BNC2: variants seen among roughly 807,000 people sequenced by gnomAD.
BNC2 encodes the protein basonuclin zinc finger protein 2, also known as zinc finger protein basonuclin-2.
BNC2 carries 20 observed loss-of-function variants against 76.3 expected under a neutral mutation model. The observed-to-expected ratio is 0.26, with a 90% CI of 0.18 to 0.38. BNC2 has a LOEUF of 0.38. Ranked by LOEUF, BNC2 falls within the 10% of genes least tolerant of loss-of-function variation. The pLI is 1.00. For synonymous variants in BNC2, 582 were observed against 514.8 expected (o/e 1.13, Z -1.77); for missense variants, 1,382 against 1,399.8 (o/e 0.99, Z 0.20).
chr9:16,816,373 G>C (rs1259045376), intron 1 of BNC2, among the ~76,000 whole-genome samples: 1 of 152,080 alleles, frequency 6.6e-6, no homozygotes, highest in Non-Finnish European at 1.5e-5. Flanking sequence ...TCAATGCAGG[G>C]GCATGTAGGT....
intron 1 of BNC2, among the ~76,000 whole-genome samples, chr9:16,793,107 TAAC>T (rs775531605): frequency 8.5e-5 from 13 of 152,190 alleles, no homozygotes; most frequent in Non-Finnish European, 1.5e-4. Context: ...AGCTTTAATA[TAAC>T]AACAGGATTG....
chr9:16,437,273 G>A lies in BNC2; in HGVS notation c.921C>T (p.Ser307=). The A allele has an allele frequency of 6.2e-7, 1 of 1,614,150 alleles. No homozygotes were observed. The highest frequency in any genetic ancestry group is 8.5e-7 in the Non-Finnish European group (1 of 1,180,020). The part of the protein sequence containing the change: ...LLAHLENSNP[S]SIHHFENIPN... ...GGATGTTTTCGAAGTGATGAATGCT[G>A]GAAGGATTGCTGTTCTCTAAGTGAG... Residue 307 remains serine, a synonymous_variant, in exon 6 of 7, where the codon TCC becomes TCT. Coordinates refer to ENST00000380672, the MANE Select transcript of BNC2 (RefSeq NM_017637.6).
chr9:16,662,370 T>C (rs1822133904), intron 3 of BNC2, among the ~76,000 whole-genome samples: 1 of 152,186 alleles, frequency 6.6e-6, no homozygotes, highest in South Asian at 2.1e-4. Flanking sequence ...CTAGGAGTCA[T>C]ACCTTAAAAT....
intron 1 of BNC2, among the ~76,000 whole-genome samples, chr9:16,840,907 C>A (rs1818808134): frequency 6.6e-6 from 1 of 152,130 alleles, no homozygotes; most frequent in Non-Finnish European, 1.5e-5. Context: ...AATAAACAGG[C>A]CTAACTGTAG....
chr9:16,755,787 T>C (rs557232617), intron 1 of BNC2, among the ~76,000 whole-genome samples: 2 of 152,304 alleles, frequency 1.3e-5, no homozygotes, highest in African/African-American at 4.8e-5. Context: ...CCTCAGTAAA[T>C]GGCACCATCT....
rs192423484 is a variant in BNC2, at chr9:16,810,137, G to T, written c.3+60509C>A. Among the ~76,000 whole-genome samples the T allele has an allele frequency of 1.1e-3, 161 of 152,256 alleles. 2 individuals carry two copies. The highest frequency in any genetic ancestry group is 3.7e-3 in the African/African-American group (154 of 41,550). On this transcript the variant is annotated intron_variant, in intron 1 of 6. Transcript: ENST00000380672. ...TGTAAAGCCACTAAGGTAACTTATGGTTAAAAACTTGCTTTGCTTTATAAA... is the reference window on the plus strand; with the variant it reads ...TGTAAAGCCACTAAGGTAACTTATGTTTAAAAACTTGCTTTGCTTTATAAA...
intron 5 of BNC2, among the ~76,000 whole-genome samples, chr9:16,516,317 G>A (rs1817433310): frequency 6.6e-6 from 1 of 151,616 alleles, no homozygotes; most frequent in African/African-American, 2.4e-5. Flanking sequence ...TCAGAACTCT[G>A]AGAAGCGTTT....
chr9:16,609,919 C>T (rs1027947386), intron 3 of BNC2, among the ~76,000 whole-genome samples: 22 of 152,072 alleles, frequency 1.4e-4, no homozygotes, highest in Non-Finnish European at 2.9e-5. Flanking sequence ...ATAGAAGAAA[C>T]AGGTTTGGCT....
intron 1 of BNC2, among the ~76,000 whole-genome samples, chr9:16,797,578 T>G (rs1177564731): frequency 6.6e-6 from 1 of 152,152 alleles, no homozygotes; most frequent in Non-Finnish European, 1.5e-5. Flanking sequence ...ATCACCTAGC[T>G]GGAGGCTAGG....
chr9:16,825,568 C>T (rs1038901506), intron 1 of BNC2, among the ~76,000 whole-genome samples: 1 of 152,018 alleles, frequency 6.6e-6, no homozygotes, highest in Admixed American at 6.6e-5. Context: ...ATTTCAAAAT[C>T]CCTGAAAAAA....
At chr9:16,787,423 C>T (rs761600591) in intron 1 of BNC2, among the ~76,000 whole-genome samples, 32 of 152,196 alleles carry the variant, frequency 2.1e-4, no homozygotes, top group Non-Finnish European at 4.1e-4. Flanking sequence ...TCTGGAGCCA[C>T]GCTGCCTGAG....
At chr9:16,573,213 C>A (rs1319126245) in intron 4 of BNC2, among the ~76,000 whole-genome samples, 69 of 127,384 alleles carry the variant, frequency 5.4e-4, no homozygotes, top group African/African-American at 2.1e-3. Flanking sequence ...CAGAGCAAGA[C>A]CCTGTCTCAA....
intron 1 of BNC2, among the ~76,000 whole-genome samples, chr9:16,761,982 A>G (rs1389631907): frequency 2.6e-5 from 4 of 152,242 alleles, no homozygotes; most frequent in Non-Finnish European, 5.9e-5. Flanking sequence ...AAAAAGAATG[A>G]ACATGGAAAG....
chr9:16,777,464 G>A (rs937763765), intron 1 of BNC2, among the ~76,000 whole-genome samples: 1 of 152,060 alleles, frequency 6.6e-6, no homozygotes, highest in African/African-American at 2.4e-5. Context: ...ACTTTAGGAG[G>A]CCGAGGCAGG....
intron 1 of BNC2, among the ~76,000 whole-genome samples, chr9:16,756,754 C>G (rs1825393677): frequency 6.6e-6 from 1 of 152,190 alleles, no homozygotes; most frequent in South Asian, 2.1e-4. Flanking sequence ...CTTTGGGAGG[C>G]TGAGGCGGGG....
chr9:16,617,324 A>G (rs1436171091), intron 3 of BNC2, among the ~76,000 whole-genome samples: 1 of 152,216 alleles, frequency 6.6e-6, no homozygotes, highest in Non-Finnish European at 1.5e-5. Flanking sequence ...ACGAAAAAAT[A>G]CAATTGAAAA....
chr9:16,870,313 C>A (rs978676141), intron 1 of BNC2, among the ~76,000 whole-genome samples: 2 of 152,122 alleles, frequency 1.3e-5, no homozygotes, highest in African/African-American at 4.8e-5. Flanking sequence ...CCGTCCCCAA[C>A]GCCCTGGAGC....
At chr9:16,452,576 A>G (rs1821364824) in intron 5 of BNC2, among the ~76,000 whole-genome samples, 1 of 152,064 alleles carries the variant, frequency 6.6e-6, no homozygotes, top group Non-Finnish European at 1.5e-5. Flanking sequence ...TGCCCGGCTA[A>G]TTTTTGTATA....
At chr9:16,848,516 T>C (rs1003197053) in intron 1 of BNC2, among the ~76,000 whole-genome samples, 16 of 152,322 alleles carry the variant, frequency 1.1e-4, no homozygotes, top group Middle Eastern at 3.4e-3. Flanking sequence ...AAATGGTCCA[T>C]GAAGACAGCA....
Sources: gnomAD v4.1 joint callset for allele counts (sites outside exome capture counted in the v4.1 genomes callset) on GRCh38, gnomAD v4.1.1 for gene constraint, MANE v1.5 for transcripts, NCBI Gene and HGNC (gene_info 2026-07-23, HGNC 2026-07-21) for gene names.